NSD2: variants seen among roughly 807,000 people sequenced by gnomAD.
NSD2 encodes the protein nuclear receptor binding SET domain protein 2, also known as histone-lysine N-methyltransferase NSD2.
NSD2 carries 12 observed loss-of-function variants against 139.0 expected under a neutral mutation model. The observed-to-expected ratio is 0.09, with a 90% CI of 0.06 to 0.14. The LOEUF (loss-of-function observed/expected upper bound fraction) is 0.14. NSD2 is among the 10% of genes least tolerant of loss of function. The pLI is 1.00. For missense variants in NSD2, 1,155 were observed against 1,745.0 expected, an observed-to-expected ratio of 0.66 and a Z score of 6.02; for synonymous variants, 669 against 648.7, an observed-to-expected ratio of 1.03 and a Z score of -0.48.
At chr4:1,883,200 A>G (rs1316076755) in intron 1 of NSD2, among the ~76,000 whole-genome samples, 1 of 152,142 alleles carries the variant, frequency 6.6e-6, no homozygotes, top group African/African-American at 2.4e-5. Context: ...TTCTGTGTGC[A>G]TTTACATTAC....
intron 7 of NSD2, among the ~76,000 whole-genome samples, chr4:1,935,822 C>T (rs1222300057): frequency 1.3e-5 from 2 of 152,040 alleles, no homozygotes; most frequent in East Asian, 1.9e-4. Flanking sequence ...GATCATGCCA[C>T]TGCACTCCAG....
chr4:1,907,383 T>C (rs991528850), intron 3 of NSD2, among the ~76,000 whole-genome samples: 11 of 152,184 alleles, frequency 7.2e-5, no homozygotes, highest in African/African-American at 2.4e-4. Flanking sequence ...TTTAATACTT[T>C]TGTATCTGTT....
chr4:1,981,147 T>G lies in NSD2; in HGVS notation c.*2238T>G. The G allele has an allele frequency of 4.3e-6, 1 of 233,308 alleles. No homozygotes were observed. Among genetic ancestry groups the G allele is most frequent in the Admixed American group, 5.6e-5 (1 of 17,804 alleles). The allele number at this position is 233,308 out of a possible 1,614,324, so 14.5% of individuals were successfully genotyped here. On this transcript the variant is annotated 3_prime_UTR_variant, in exon 22 of 22. Coordinates refer to ENST00000508803, the MANE Select transcript of NSD2 (RefSeq NM_001042424.3). ...TAATCGCTTTGATAATACTTCCAAA[T>G]TTTATGATTTTTCTGAAGGAAATAA...
At position 1,918,134 on chromosome 4, in the gene NSD2, T is replaced by C. The variant is rs777975691; in HGVS notation, c.928-7T>C. 6.3e-7 allele frequency: 1 copy of C among 1,598,420 alleles called. No homozygotes were observed. Among genetic ancestry groups the C allele is most frequent in the South Asian group, 1.1e-5 (1 of 88,222 alleles). The stretch of plus-strand genomic sequence containing the variant: ...GAAACTTACAGTGTCTCTTTTTTTT[T>C]TCCCAGCTATTGAAACCAATTTCAG... On this transcript the variant is annotated splice_polypyrimidine_tract_variant and splice_region_variant and intron_variant, in intron 4 of 21. Transcript: ENST00000508803.
intron 1 of NSD2, among the ~76,000 whole-genome samples, chr4:1,889,109 G>T (rs1009666650): frequency 6.6e-6 from 1 of 151,748 alleles, no homozygotes; most frequent in African/African-American, 2.4e-5. Flanking sequence ...TTTTGGCCAG[G>T]CTGGTCTGGA....
intron 1 of NSD2, among the ~76,000 whole-genome samples, chr4:1,873,904 C>T (rs1714058604): frequency 6.6e-6 from 1 of 152,192 alleles, no homozygotes; most frequent in Non-Finnish European, 1.5e-5. Context: ...GGCTTGAGTG[C>T]AGTGGCTATT....
At chr4:1,882,195 C>A (rs1304236718) in intron 1 of NSD2, among the ~76,000 whole-genome samples, 1 of 152,098 alleles carries the variant, frequency 6.6e-6, no homozygotes, top group East Asian at 1.9e-4. Context: ...GCTTTGGGTC[C>A]CTGATTGGAT....
chr4:1,925,762 C>T (rs185646567), intron 5 of NSD2, among the ~76,000 whole-genome samples: 1 of 147,698 alleles, frequency 6.8e-6, no homozygotes, highest in African/African-American at 2.6e-5. Context: ...TTTTATATAT[C>T]TATATATATA....
rs1724481964 is a variant in NSD2, at chr4:1,953,388, G to T, written c.2202G>T (p.Gln734His). 1 of 1,614,106 alleles carries T rather than the reference G, an allele frequency of 6.2e-7. No homozygotes were observed. Among genetic ancestry groups the T allele is most frequent in the African/African-American group, 1.3e-5 (1 of 74,924 alleles). The change falls in exon 12 of 22, where the codon CAG becomes CAT. Residue 734 changes from glutamine (Q) to histidine (H), a missense_variant. By Grantham distance (24) the Gln-to-His change is conservative. Coordinates refer to ENST00000508803, the MANE Select transcript of NSD2 (RefSeq NM_001042424.3). ...ATGTTAAGCGCTGTGTGGTAACTCAGTGTGGAAAATTTTACCATGAGGCTT... is the reference window on the plus strand; with the variant it reads ...ATGTTAAGCGCTGTGTGGTAACTCATTGTGGAAAATTTTACCATGAGGCTT... ...KTDVKRCVVT[Q>H]CGKFYHEACV...
intron 3 of NSD2, among the ~76,000 whole-genome samples, chr4:1,905,796 A>G (rs907751924): frequency 6.6e-6 from 1 of 152,092 alleles, no homozygotes; most frequent in African/African-American, 2.4e-5. Context: ...TCCATGGAGG[A>G]CCTTTGGCAT....
chr4:1,949,837 T>C (rs1724030083), intron 9 of NSD2, among the ~76,000 whole-genome samples: 1 of 152,122 alleles, frequency 6.6e-6, no homozygotes, highest in South Asian at 2.1e-4. Context: ...GTTTTTAATT[T>C]GTTTTTCTTC....
rs754086406 is a variant in NSD2, at chr4:1,942,445, C to G, written c.1881+2667C>G. The G allele has an allele frequency of 6.3e-7, 1 of 1,584,678 alleles. No homozygotes were observed. The highest frequency in any genetic ancestry group is 8.6e-7 in the Non-Finnish European group (1 of 1,167,132). ...GATGCTGCTGCAGGTGGCGTATCAT[C>G]GTACACACTCAGTGACATTTCTATC... On this transcript the variant is annotated intron_variant, in intron 9 of 21. Transcript: ENST00000508803. The surrounding 1 kb of genome is among the most constrained non-coding windows in gnomAD (Gnocchi z 4.0).
chr4:1,955,825 T>C lies in NSD2; in HGVS notation c.2651T>C (p.Ile884Thr). Residue 884 changes from isoleucine to threonine, a missense_variant, in exon 14 of 22, where the codon ATT becomes ACT. Ile to Thr is a moderately conservative substitution (Grantham distance 89). Transcript: ENST00000508803. The surrounding 1 kb of genome is among the most constrained non-coding windows in gnomAD (Gnocchi z 4.7). ...AAGAAGCTGCACTTCCAGGATATCATTTGGGTGAAACTTGGGAACTACAGG... is the reference window on the plus strand; with the variant it reads ...AAGAAGCTGCACTTCCAGGATATCACTTGGGTGAAACTTGGGAACTACAGG... ...AGKKLHFQDIIWVKLGNYRWW... is the reference protein window; with the variant it reads ...AGKKLHFQDITWVKLGNYRWW... 1 of 1,614,184 alleles carries C rather than the reference T, an allele frequency of 6.2e-7. No individual in the cohort carries two copies. Among genetic ancestry groups the C allele is most frequent in the Non-Finnish European group, 8.5e-7 (1 of 1,179,966 alleles).
At chr4:1,911,913 CTG>C (rs1718746814) in intron 3 of NSD2, among the ~76,000 whole-genome samples, 1 of 152,124 alleles carries the variant, frequency 6.6e-6, no homozygotes. Context: ...GAGCATTTAT[CTG>C]TGTCATTATT....
chr4:1,974,661 C>T lies in NSD2; in HGVS notation c.3373-202C>T, dbSNP rs1203904287. The stretch of plus-strand genomic sequence containing the variant: ...GCGCTCACTAAGGCTCGGTCCTCTC[C>T]ACGTGGTCCTGACCTGTCCTCTGTG... On this transcript the variant is annotated intron_variant, in intron 18 of 21. Transcript: ENST00000508803. This position sits in a 1 kb window ranked among gnomAD's most constrained non-coding sequence, Gnocchi z 4.0. The T allele has an allele frequency of 1.3e-6, 1 of 794,778 alleles. No homozygotes were observed. Among genetic ancestry groups the T allele is most frequent in the Non-Finnish European group, 2.2e-6 (1 of 451,878 alleles). The allele number at this position is 794,778 out of a possible 1,614,324, so 49.2% of individuals were successfully genotyped here.
At chr4:1,953,022 A>G in intron 11 of NSD2, 1 of 1,441,878 alleles carries the variant, frequency 6.9e-7, no homozygotes, top group Non-Finnish European at 9.0e-7. Flanking sequence ...CTCTTTTCAT[A>G]GGAGCCCCTT....
At position 1,956,527 on chromosome 4, in the gene NSD2, G is replaced by A. The variant is rs1370969710; in HGVS notation, c.2881+339G>A. On this transcript the variant is annotated intron_variant, in intron 15 of 21. Transcript: ENST00000508803. This position sits in a 1 kb window ranked among gnomAD's most constrained non-coding sequence, Gnocchi z 5.3. ...AAGGGTCCTGTTGTCTCGACCTTGT[G>A]CAGCAGGCTCTTGGGGGCTCGCTTT... 2.0e-5 allele frequency among the ~76,000 whole-genome samples: 3 copies of A among 152,168 alleles called. No individual in the cohort carries two copies. The highest frequency in any genetic ancestry group is 6.5e-5 in the Admixed American group (1 of 15,276).
intron 5 of NSD2, among the ~76,000 whole-genome samples, chr4:1,929,814 C>T (rs1721421160): frequency 1.3e-5 from 2 of 152,122 alleles, no homozygotes; most frequent in South Asian, 4.1e-4. Context: ...ATTAGCAACC[C>T]CTGGGAAACC....
chr4:1,931,723 T>C (rs1452565622), intron 6 of NSD2, among the ~76,000 whole-genome samples: 2 of 152,234 alleles, frequency 1.3e-5, no homozygotes, highest in Non-Finnish European at 2.9e-5. Flanking sequence ...CTTCATCAGC[T>C]ATCTCATTAA....
Sources: allele counts gnomAD v4.1 joint callset (sites outside exome capture counted in the v4.1 genomes callset), GRCh38; gene constraint gnomAD v4.1.1; non-coding constraint Gnocchi (gnomAD v3.1); transcripts MANE v1.5; gene names NCBI Gene and HGNC (gene_info 2026-07-23, HGNC 2026-07-21).